Variants in SPEF2 observed in about 807,000 individuals in gnomAD.
SPEF2 encodes sperm flagellar and cilia associated 2, also known as sperm flagella and cilia-associated protein 2.
SPEF2 carries 187 observed loss-of-function variants against 224.6 expected under a neutral mutation model. That is an observed-to-expected ratio of 0.83 (90% CI 0.74 to 0.94). The LOEUF (loss-of-function observed/expected upper bound fraction) is 0.94, where lower values mean the gene tolerates loss of function less well. Ranked by LOEUF, SPEF2 falls within the 40% of genes least tolerant of loss-of-function variation. The pLI, the probability that SPEF2 is intolerant of heterozygous loss-of-function variation, is 0.00. For missense variants in SPEF2, 2,170 were observed against 2,135.6 expected (o/e 1.02, Z -0.32); for synonymous variants, 715 against 707.3 (o/e 1.01, Z -0.17).
chr5:35,742,771 G>A (rs1747870300), intron 23 of SPEF2, among the ~76,000 whole-genome samples: 1 of 151,944 alleles, frequency 6.6e-6, no homozygotes, highest in Admixed American at 6.6e-5. Context: ...CAAGCCATCT[G>A]TTGATCATAT....
chr5:35,640,716 A>C (rs1385600800), intron 2 of SPEF2, among the ~76,000 whole-genome samples: 8 of 152,208 alleles, frequency 5.3e-5, no homozygotes, highest in Admixed American at 5.2e-4. Context: ...CGCATAATAC[A>C]CTAAATATAT....
intron 10 of SPEF2, among the ~76,000 whole-genome samples, chr5:35,677,104 C>T (rs1752132831): frequency 6.6e-6 from 1 of 152,144 alleles, no homozygotes; most frequent in Non-Finnish European, 1.5e-5. Context: ...TGGAAAAATA[C>T]TGTGTGAATT....
At chr5:35,768,322 T>A (rs1752360124) in intron 26 of SPEF2, among the ~76,000 whole-genome samples, 2 of 151,924 alleles carry the variant, frequency 1.3e-5, no homozygotes, top group Admixed American at 1.3e-4. Flanking sequence ...TAGAAAAAAA[T>A]GAGTTATTCT....
At chr5:35,770,277 T>C (rs1752647835) in intron 26 of SPEF2, among the ~76,000 whole-genome samples, 1 of 152,186 alleles carries the variant, frequency 6.6e-6, no homozygotes, top group Non-Finnish European at 1.5e-5. Context: ...TGTGAAGTTT[T>C]GATGTCTGTA....
intron 1 of SPEF2, among the ~76,000 whole-genome samples, chr5:35,624,160 G>A (rs985565632): frequency 6.6e-6 from 1 of 152,124 alleles, no homozygotes; most frequent in Admixed American, 6.5e-5. Flanking sequence ...TGCTGTCCCA[G>A]CCTAACATTA....
At position 35,667,062 on chromosome 5, in the gene SPEF2, G is replaced by T; in HGVS notation, c.1168-10G>T. 1 of 1,582,442 alleles carries T rather than the reference G, an allele frequency of 6.3e-7. No individual in the cohort carries two copies. The highest frequency in any genetic ancestry group is 8.5e-7 in the Non-Finnish European group (1 of 1,170,480). ...TATAGTGACTTAAAAATATGTTTTT[G>T]CCTTTTTAGGCTTTGGCAAAACAAG... On this transcript the variant is annotated splice_polypyrimidine_tract_variant and intron_variant, in intron 8 of 36. Coordinates refer to ENST00000356031, the MANE Select transcript of SPEF2 (RefSeq NM_024867.4).
chr5:35,693,371 C>G (rs1754804923), intron 12 of SPEF2, among the ~76,000 whole-genome samples: 1 of 152,126 alleles, frequency 6.6e-6, no homozygotes, highest in Admixed American at 6.6e-5. Context: ...AAACTGTCGG[C>G]AGGCCTTTGT....
At position 35,753,777 on chromosome 5, in the gene SPEF2, C is replaced by A; in HGVS notation, c.3468+16C>A. On this transcript the variant is annotated intron_variant, in intron 24 of 36. Transcript: ENST00000356031. ...CCTGATGCAGGTAAGAGCAGCTGGT[C>A]ACAATAACCCAGGCACTTCCCTTCA... 1 of 1,613,708 alleles carries A rather than the reference C, an allele frequency of 6.2e-7. No individual in the cohort carries two copies. The highest frequency in any genetic ancestry group is 1.1e-5 in the South Asian group (1 of 91,012).
At chr5:35,675,575 C>G (rs1248676834) in intron 10 of SPEF2, 1 of 149,924 alleles carries the variant, frequency 6.7e-6, no homozygotes, top group Non-Finnish European at 1.4e-5. Flanking sequence ...CGCTCTTGCT[C>G]TGTCGCCCAG....
chr5:35,747,546 A>G (rs562452780), intron 23 of SPEF2, among the ~76,000 whole-genome samples: 6 of 152,368 alleles, frequency 3.9e-5, no homozygotes, highest in African/African-American at 1.4e-4. Flanking sequence ...CTTATATCAG[A>G]CAAAACCAAC....
intron 29 of SPEF2, among the ~76,000 whole-genome samples, chr5:35,778,029 CACTT>C (rs1337713615): frequency 2.6e-5 from 4 of 152,088 alleles, no homozygotes; most frequent in African/African-American, 9.7e-5. Context: ...ATTACATGGA[CACTT>C]ACAAAGACAA....
intron 8 of SPEF2, among the ~76,000 whole-genome samples, chr5:35,664,727 A>G (rs141165139): frequency 5.5e-5 from 8 of 144,826 alleles, no homozygotes; most frequent in African/African-American, 2.0e-4. Context: ...AGGGAGGGAG[A>G]GAGAGGGAGA....
intron 26 of SPEF2, among the ~76,000 whole-genome samples, chr5:35,767,177 T>G (rs1752198909): frequency 6.6e-6 from 1 of 151,978 alleles, no homozygotes; most frequent in South Asian, 2.1e-4. Context: ...TGTACTTTGG[T>G]CAATTTGCTT....
Position 35,654,586 on chromosome 5 carries a change from T to C in SPEF2, c.838T>C (p.Leu280=), listed in dbSNP as rs199701725. The part of the protein sequence containing the change: ...LDTAGQTTTD[L]LNTYSDDEYI... ...TACAGCAGGCCAGACAACCACCGAT[T>C]TGTTAAATACTTACTCAGATGACGA... The change falls in exon 7 of 37, where the codon TTG becomes CTG. Residue 280 remains leucine, a synonymous_variant. Coordinates refer to ENST00000356031, the MANE Select transcript of SPEF2 (RefSeq NM_024867.4). 10 of 1,609,108 alleles carry C rather than the reference T, an allele frequency of 6.2e-6. No individual in the cohort carries two copies. Among genetic ancestry groups the C allele is most frequent in the Non-Finnish European group, 7.6e-6 (9 of 1,178,704 alleles).
chr5:35,794,472 T>C (rs958707594), intron 32 of SPEF2, among the ~76,000 whole-genome samples: 14 of 152,082 alleles, frequency 9.2e-5, no homozygotes, highest in African/African-American at 3.4e-4. Flanking sequence ...ATGACAAGGC[T>C]CTTTCAGGGC....
chr5:35,630,498 C>T (rs770249464), intron 2 of SPEF2, among the ~76,000 whole-genome samples: 4 of 152,152 alleles, frequency 2.6e-5, no homozygotes, highest in Admixed American at 6.5e-5. Context: ...AGATCGAAAT[C>T]ATCCTGGCTA....
At chr5:35,777,043 C>T (rs1753699461) in intron 29 of SPEF2, among the ~76,000 whole-genome samples, 1 of 152,176 alleles carries the variant, frequency 6.6e-6, no homozygotes, top group African/African-American at 2.4e-5. Flanking sequence ...GCCTCATTGG[C>T]TTCATCTATA....
At chr5:35,750,332 A>G (rs558241438) in intron 23 of SPEF2, among the ~76,000 whole-genome samples, 2 of 152,326 alleles carry the variant, frequency 1.3e-5, no homozygotes, top group South Asian at 2.1e-4. Context: ...CAAATGCAAT[A>G]AAAACAAAGA....
chr5:35,773,726 A>G (rs1445930877), intron 27 of SPEF2, among the ~76,000 whole-genome samples, 167 bp from the exon 28 acceptor site: 1 of 152,178 alleles, frequency 6.6e-6, no homozygotes, highest in Non-Finnish European at 1.5e-5. Context: ...CTCAAGGAAA[A>G]ATTCAATATT....
Sources: gnomAD v4.1 joint callset for allele counts (sites outside exome capture counted in the v4.1 genomes callset) on GRCh38, gnomAD v4.1.1 for gene constraint, MANE v1.5 for transcripts, NCBI Gene and HGNC (gene_info 2026-07-23, HGNC 2026-07-21) for gene names.